SEMA3D: variants seen among roughly 807,000 people sequenced by gnomAD.
SEMA3D encodes semaphorin 3D, also known as semaphorin-3D.
SEMA3D carries 84 observed loss-of-function variants against 100.1 expected under a neutral mutation model. That is an observed-to-expected ratio of 0.84 (90% CI 0.70 to 1.01). The LOEUF is 1.01. SEMA3D is among the 50% of genes least tolerant of loss of function. The pLI, the probability that SEMA3D is intolerant of heterozygous loss-of-function variation, is 0.00. For synonymous variants in SEMA3D, 312 were observed against 320.7 expected, an observed-to-expected ratio of 0.97 and a Z score of 0.29; for missense variants, 875 against 934.1, an observed-to-expected ratio of 0.94 and a Z score of 0.82.
intron 1 of SEMA3D, among the ~76,000 whole-genome samples, chr7:85,174,028 T>A (rs1440099473): frequency 6.6e-6 from 1 of 152,114 alleles, no homozygotes; most frequent in African/African-American, 2.4e-5. Flanking sequence ...GAGCCAGGGC[T>A]CCTGGTGTGC....
At chr7:85,155,535 A>G (rs1484004616) in intron 1 of SEMA3D, among the ~76,000 whole-genome samples, 3 of 152,170 alleles carry the variant, frequency 2.0e-5, no homozygotes, top group Non-Finnish European at 2.9e-5. Context: ...AACATGCAAA[A>G]GTACACAAAT....
chr7:85,027,045 A>G (rs1354570758), intron 12 of SEMA3D, among the ~76,000 whole-genome samples: 1 of 152,070 alleles, frequency 6.6e-6, no homozygotes, highest in Non-Finnish European at 1.5e-5. Flanking sequence ...TTATCCTATG[A>G]TCTATCTTCT....
At chr7:85,194,189 T>C in the SEMA3D span, among the ~76,000 whole-genome samples, 6 of 152,202 alleles carry the variant, frequency 3.9e-5, no homozygotes, top group Admixed American at 3.9e-4. Context: ...TCAGTCTGTC[T>C]CTTATTTCTT....
intron 9 of SEMA3D, among the ~76,000 whole-genome samples, chr7:85,052,172 T>C (rs1791184824): frequency 6.6e-6 from 1 of 151,984 alleles, no homozygotes; most frequent in Non-Finnish European, 1.5e-5. Flanking sequence ...TTTGTTCCTG[T>C]TATCTTTAGG....
chr7:85,163,889 A>T (rs1172431445), intron 1 of SEMA3D, among the ~76,000 whole-genome samples: 3 of 152,172 alleles, frequency 2.0e-5, no homozygotes, highest in Non-Finnish European at 4.4e-5. Flanking sequence ...TGAACTGAGT[A>T]AAGTTACAGA....
At chr7:85,064,721 G>A (rs1042741092) in intron 8 of SEMA3D, among the ~76,000 whole-genome samples, 1 of 152,142 alleles carries the variant, frequency 6.6e-6, no homozygotes, top group African/African-American at 2.4e-5. Context: ...AATTTGATCT[G>A]TTGTAAGGCG....
chr7:85,177,739 T>C (rs1409251207), intron 1 of SEMA3D, among the ~76,000 whole-genome samples: 1 of 152,208 alleles, frequency 6.6e-6, no homozygotes, highest in Non-Finnish European at 1.5e-5. Context: ...CAAGAACAGC[T>C]AATTTACAGT....
chr7:84,996,051 A>C lies in SEMA3D; in HGVS notation c.*3389T>G, dbSNP rs1789491029. The C allele has an allele frequency of 6.6e-6, 1 of 151,884 alleles. No individual in the cohort carries two copies. The highest frequency in any genetic ancestry group is 1.5e-5 in the Non-Finnish European group (1 of 67,816). The allele number at this position is 151,884 out of a possible 1,614,324, so 9.4% of individuals were successfully genotyped here. ...ACCAATTCCAAAATGTTTTCTAAGA[A>C]AAATGTGACATTCTAAAGGGAGGCT... On this transcript the variant is annotated 3_prime_UTR_variant, in exon 19 of 19. Coordinates refer to ENST00000284136, the MANE Select transcript of SEMA3D (RefSeq NM_001384900.1).
intron 2 of SEMA3D, among the ~76,000 whole-genome samples, chr7:85,123,486 C>A (rs1253579300): frequency 1.3e-5 from 2 of 152,038 alleles, no homozygotes; most frequent in Non-Finnish European, 2.9e-5. Flanking sequence ...GAGATCAGCT[C>A]TTCAGTGTAT....
intron 1 of SEMA3D, among the ~76,000 whole-genome samples, chr7:85,179,244 C>T (rs929071654): frequency 6.6e-6 from 1 of 152,146 alleles, no homozygotes; most frequent in African/African-American, 2.4e-5. Context: ...GGCCACCATC[C>T]TCAAGACTCC....
chr7:85,178,914 G>A (rs947234608), intron 1 of SEMA3D, among the ~76,000 whole-genome samples: 20 of 152,178 alleles, frequency 1.3e-4, no homozygotes, highest in Admixed American at 3.9e-4. Context: ...TGCTCCAGCC[G>A]TGGCTAAAAG....
chr7:85,001,428 T>C (rs762740901), intron 18 of SEMA3D, among the ~76,000 whole-genome samples: 11 of 152,220 alleles, frequency 7.2e-5, no homozygotes, highest in South Asian at 2.1e-4. Flanking sequence ...TCAGAAACCA[T>C]AGAAGTCTCA....
rs1395436713 is a variant in SEMA3D at position 84,995,625 on chromosome 7, A to AATT, written c.*3812_*3814dup. 6.6e-6 allele frequency: 1 copy of AATT among 152,078 alleles called. No homozygotes were observed. The highest frequency in any genetic ancestry group is 1.9e-4 in the East Asian group (1 of 5,208). The allele number at this position is 152,078 out of a possible 1,614,324, so 9.4% of individuals were successfully genotyped here. A position where few individuals can be genotyped will look rare whatever the true frequency, so the allele number is the denominator to read the frequency against. ...CCAAAATATACATTTAACAATTTTTAATTATTTCATACTACAAGACTACAT... is the reference window on the plus strand; with the variant it reads ...CCAAAATATACATTTAACAATTTTTAATTATTATTTCATACTACAAGACTACAT... On this transcript the variant is annotated 3_prime_UTR_variant, in exon 19 of 19. Coordinates refer to ENST00000284136, the MANE Select transcript of SEMA3D (RefSeq NM_001384900.1).
intron 1 of SEMA3D, among the ~76,000 whole-genome samples, chr7:85,154,115 G>A (rs1027420315): frequency 2.6e-5 from 4 of 151,866 alleles, no homozygotes; most frequent in Admixed American, 6.6e-5. Flanking sequence ...ACCCTTATCT[G>A]CTCCTTACTG....
chr7:85,123,453 T>A (rs1448308668), intron 2 of SEMA3D, among the ~76,000 whole-genome samples: 1 of 152,148 alleles, frequency 6.6e-6, no homozygotes, highest in Non-Finnish European at 1.5e-5. Flanking sequence ...GAAGGCCTAA[T>A]AAGGGTTGAA....
chr7:85,033,016 A>T (rs1444943287), intron 12 of SEMA3D, among the ~76,000 whole-genome samples: 1 of 152,104 alleles, frequency 6.6e-6, no homozygotes, highest in East Asian at 1.9e-4. Flanking sequence ...AGGCATAAAA[A>T]TTGTATGATA....
intron 2 of SEMA3D, among the ~76,000 whole-genome samples, chr7:85,153,306 T>C (rs1790484243): frequency 6.6e-6 from 1 of 152,184 alleles, no homozygotes; most frequent in Admixed American, 6.6e-5. Context: ...CTTTACGCTA[T>C]TTTTGTTTCA....
At chr7:85,039,514 C>T (rs1790795381) in intron 11 of SEMA3D, among the ~76,000 whole-genome samples, 1 of 152,172 alleles carries the variant, frequency 6.6e-6, no homozygotes, top group African/African-American at 2.4e-5. Context: ...CCGCCTTGGT[C>T]TCCCAAAGTA....
chr7:85,236,276 TTTTATTTTATTTATTTATTTA>T, the SEMA3D span, among the ~76,000 whole-genome samples: 2 of 139,112 alleles, frequency 1.4e-5, no homozygotes. Context: ...TTTTATTTTA[TTTTATTTTATTTATTTATTTA>T]TTTATTTATT....
Sources: gnomAD v4.1 joint callset for allele counts (sites outside exome capture counted in the v4.1 genomes callset) on GRCh38, gnomAD v4.1.1 for gene constraint, MANE v1.5 for transcripts, NCBI Gene and HGNC (gene_info 2026-07-23, HGNC 2026-07-21) for gene names.